Variants in SLC12A2 observed in about 807,000 individuals in gnomAD.
SLC12A2 encodes the protein solute carrier family 12 member 2, also known as Na-K-2Cl cotransporter 1.
SLC12A2 carries 67 observed loss-of-function variants against 136.3 expected under a neutral mutation model. The ratio of observed to expected loss-of-function variants is 0.49; its 90% CI spans 0.40 to 0.60. The LOEUF is 0.60. Ranked by LOEUF, SLC12A2 falls within the 20% of genes least tolerant of loss-of-function variation. The pLI, the probability that SLC12A2 is intolerant of heterozygous loss-of-function variation, is 0.00. For missense variants in SLC12A2, 1,322 were observed against 1,534.7 expected, an observed-to-expected ratio of 0.86 and a Z score of 2.32; for synonymous variants, 619 against 562.9, an observed-to-expected ratio of 1.10 and a Z score of -1.41.
At chr5:128,095,131 A>G (rs1002912578) in intron 1 of SLC12A2, among the ~76,000 whole-genome samples, 4 of 152,180 alleles carry the variant, frequency 2.6e-5, no homozygotes, top group African/African-American at 9.7e-5. Context: ...TTCCTTAAAT[A>G]AAAGTGTCTG....
chr5:128,114,845 A>T (rs1761288718), intron 4 of SLC12A2, among the ~76,000 whole-genome samples, 164 bp downstream of exon 4: 1 of 152,230 alleles, frequency 6.6e-6, no homozygotes, highest in Non-Finnish European at 1.5e-5. Context: ...TTTCAATGTA[A>T]AATTTTATGT....
Position 128,151,233 on chromosome 5 carries a change from A to C in SLC12A2, c.2108-8A>C. On this transcript the variant is annotated splice_region_variant and splice_polypyrimidine_tract_variant and intron_variant, in intron 13 of 26. Transcript: ENST00000262461. ...TTTGTGTGACTTTTATTTATTTGTT[A>C]TTGTTAGGATGGCGTCCTGCATTCA... 6.3e-7 allele frequency: 1 copy of C among 1,597,770 alleles called. No individual in the cohort carries two copies. The highest frequency in any genetic ancestry group is 8.5e-7 in the Non-Finnish European group (1 of 1,173,100).
At chr5:128,142,800 T>A (rs1039162022) in intron 10 of SLC12A2, among the ~76,000 whole-genome samples, 23 of 152,176 alleles carry the variant, frequency 1.5e-4, no homozygotes, top group African/African-American at 5.5e-4. Flanking sequence ...TTTTAGTTCC[T>A]TGGTCTTTCC....
chr5:128,135,815 A>G lies in SLC12A2; in HGVS notation c.1408+7A>G, dbSNP rs777542577. Reference sequence around the variant, plus strand: ...GGGTTTTTTGGTTATAAATGTAAGTAAAAAAGATTCAATATTTTTTAAGGG... The same window carrying G: ...GGGTTTTTTGGTTATAAATGTAAGTGAAAAAGATTCAATATTTTTTAAGGG... On this transcript the variant is annotated splice_region_variant and intron_variant, in intron 7 of 26. Transcript: ENST00000262461. 3 of 1,463,414 alleles carry G rather than the reference A, an allele frequency of 2.0e-6. No individual in the cohort carries two copies. The African/African-American group carries it at 4.2e-5, about 20-fold the overall frequency. 90.7% of individuals were successfully genotyped at this position (1,463,414 alleles called of 1,614,324 possible). A position where few individuals can be genotyped will look rare whatever the true frequency, so the allele number is the denominator to read the frequency against.
chr5:128,185,135 C>A (rs989426660), intron 26 of SLC12A2, among the ~76,000 whole-genome samples: 3 of 152,104 alleles, frequency 2.0e-5, no homozygotes, highest in African/African-American at 7.2e-5. Flanking sequence ...AATTCCTTAT[C>A]TTTGTAAACA....
chr5:128,110,316 T>G, intron 1 of SLC12A2: 1 of 874,922 alleles, frequency 1.1e-6, no homozygotes, highest in Non-Finnish European at 2.0e-6. Flanking sequence ...ACTGACTGTT[T>G]TAGAAACCAT....
At chr5:128,131,266 G>A (rs548305681) in intron 5 of SLC12A2, 60 bp downstream of exon 5, 42 of 1,529,802 alleles carry the variant, frequency 2.7e-5, no homozygotes, top group Admixed American at 8.4e-5. Flanking sequence ...ATTATATGCC[G>A]ATCACCATGT....
At chr5:128,129,095 T>G (rs1292839815) in intron 4 of SLC12A2, among the ~76,000 whole-genome samples, 1 of 152,086 alleles carries the variant, frequency 6.6e-6, no homozygotes, top group Non-Finnish European at 1.5e-5. Flanking sequence ...GTCCTATTGG[T>G]GATATTTCTG....
At chr5:128,096,275 G>A (rs1760534089) in intron 1 of SLC12A2, among the ~76,000 whole-genome samples, 1 of 152,012 alleles carries the variant, frequency 6.6e-6, no homozygotes, top group Non-Finnish European at 1.5e-5. Context: ...AACAAAACAT[G>A]GTTATGTTGC....
intron 16 of SLC12A2, among the ~76,000 whole-genome samples, chr5:128,161,323 A>G (rs948242798): frequency 2.6e-5 from 4 of 152,216 alleles, no homozygotes; most frequent in African/African-American, 9.6e-5. Context: ...CTTTCTGTAG[A>G]AAAATAGAAG....
In SLC12A2 at chr5:128,147,654, A is replaced by C. The variant is rs374497400; in HGVS notation, c.1806A>C (p.Leu602=). Residue 602 remains leucine (L), a synonymous_variant, in exon 11 of 27, where the codon CTA becomes CTC. Transcript: ENST00000262461. ...GTATGGTGTCAGGATTTACACCACT[A>C]ATTTCTGCAGGTATATTTTCAGCCA... ...VMSMVSGFTP[L]ISAGIFSATL... The C allele has an allele frequency of 6.2e-7, 1 of 1,609,940 alleles. No individual in the cohort carries two copies. Among genetic ancestry groups the C allele is most frequent in the African/African-American group, 1.3e-5 (1 of 74,834 alleles).
At position 128,184,817 on chromosome 5, in the gene SLC12A2, T is replaced by A; in HGVS notation, c.3464T>A (p.Leu1155Ter). ...TACCGGCAGATCAGGTTAAATGAGTTATTAAAGGAACATTCAAGCACAGCT... is the reference window on the plus strand; with the variant it reads ...TACCGGCAGATCAGGTTAAATGAGTAATTAAAGGAACATTCAAGCACAGCT... ...KTYRQIRLNE[L>*]LKEHSSTANI... Residue 1155 changes from leucine to a stop codon, truncating the protein, a stop_gained, in exon 26 of 27, where the codon TTA (leucine) becomes TAA (stop). Coordinates refer to ENST00000262461, the MANE Select transcript of SLC12A2 (RefSeq NM_001046.3). LOFTEE classifies it high-confidence loss of function. 6.2e-7 allele frequency: 1 copy of A among 1,608,196 alleles called. No homozygotes were observed.
chr5:128,172,985 A>C (rs1763426804), intron 19 of SLC12A2, among the ~76,000 whole-genome samples: 1 of 152,002 alleles, frequency 6.6e-6, no homozygotes, highest in Non-Finnish European at 1.5e-5. Flanking sequence ...AACAAAAAAA[A>C]AACAACTGTG....
At position 128,084,087 on chromosome 5, in the gene SLC12A2, G is replaced by A. The variant is rs1759939620; in HGVS notation, c.133G>A (p.Asp45Asn). The change falls in exon 1 of 27, where the codon GAT becomes AAT. Residue 45 changes from aspartate (D) to asparagine (N), a missense_variant. By Grantham distance (23) the Asp-to-Asn change is conservative (BLOSUM62 1). This residue lies in a region of SLC12A2 where 358 missense variants were observed against 299.7 expected (regional missense o/e 1.19). Transcript: ENST00000262461. This position sits in a 1 kb window ranked among gnomAD's most constrained non-coding sequence, Gnocchi z 5.6. ...CACGGCTGTGCCCTCGGTGCCGGAG[G>A]ATGCTGCGCCCGCGAGCCGGGACGG... ...PGTAVPSVPE[D>N]AAPASRDGGG... is the part of the protein sequence containing the mutation. 2.1e-5 allele frequency: 28 copies of A among 1,316,348 alleles called. No homozygotes were observed. Among genetic ancestry groups the A allele is most frequent in the Non-Finnish European group, 2.7e-5 (28 of 1,036,858 alleles). 81.5% of individuals were successfully genotyped at this position (1,316,348 alleles called of 1,614,324 possible).
At chr5:128,176,370 G>A (rs1763541395) in intron 20 of SLC12A2, among the ~76,000 whole-genome samples, 1 of 151,930 alleles carries the variant, frequency 6.6e-6, no homozygotes. Context: ...AGAGCCCACT[G>A]TAGTATACTC....
Position 128,084,825 on chromosome 5 carries a change from G to C in SLC12A2, c.756+115G>C. ...CGGGAGTAGTAGACGTGCACGACTT[G>C]CTGGCATCTCTGGATTCAGCTGTCA... is the stretch of plus-strand genomic sequence containing the variant. On this transcript the variant is annotated intron_variant, in intron 1 of 26. Coordinates refer to ENST00000262461, the MANE Select transcript of SLC12A2 (RefSeq NM_001046.3). The surrounding 1 kb of genome is among the most constrained non-coding windows in gnomAD (Gnocchi z 5.6). 8.6e-7 allele frequency: 1 copy of C among 1,162,008 alleles called. No homozygotes were observed. The highest frequency in any genetic ancestry group is 2.9e-5 in the Admixed American group (1 of 34,894). The allele number at this position is 1,162,008 out of a possible 1,614,324, so 72.0% of individuals were successfully genotyped here. A position where few individuals can be genotyped will look rare whatever the true frequency, so the allele number is the denominator to read the frequency against.
chr5:128,141,674 A>G (rs1047107597), intron 9 of SLC12A2, among the ~76,000 whole-genome samples, 156 bp from the exon 10 acceptor site: 2 of 152,184 alleles, frequency 1.3e-5, no homozygotes, highest in African/African-American at 4.8e-5. Flanking sequence ...ATTCTGTTCA[A>G]GGTAAAGTCT....
At chr5:128,129,981 T>TG (rs955204913) in intron 4 of SLC12A2, among the ~76,000 whole-genome samples, 1 of 152,148 alleles carries the variant, frequency 6.6e-6, no homozygotes, top group Non-Finnish European at 1.5e-5. Flanking sequence ...CAGGATTTAC[T>TG]GGGATACAAA....
Position 128,131,503 on chromosome 5 carries a change from C to A in SLC12A2, c.1188+297C>A, listed in dbSNP as rs533557022. Among the ~76,000 whole-genome samples the A allele has an allele frequency of 4.0e-5, 6 of 150,626 alleles. 1 individual carries two copies. The South Asian group carries it at 1.3e-3, about 32-fold the overall frequency. On this transcript the variant is annotated intron_variant, in intron 5 of 26. Transcript: ENST00000262461. The stretch of plus-strand genomic sequence containing the variant: ...GGTCAGGAGATCGAGACCATCCTGG[C>A]CAACATGGTGAAACCCCATCTCTAC...
Sources: gnomAD v4.1 joint callset for allele counts (sites outside exome capture counted in the v4.1 genomes callset) on GRCh38, gnomAD v4.1.1 for gene constraint, gnomAD v4.1.1 regional missense constraint, Gnocchi (gnomAD v3.1) non-coding constraint, MANE v1.5 for transcripts, NCBI Gene and HGNC (gene_info 2026-07-23, HGNC 2026-07-21) for gene names.